The following FHIT variants were observed in gnomAD, a reference collection of about 807,000 sequenced individuals.
FHIT encodes the protein fragile histidine triad diadenosine triphosphatase, also known as bis(5'-adenosyl)-triphosphatase.
In FHIT, 19 loss-of-function variants were observed where a neutral mutation model predicts 17.9. The observed-to-expected ratio is 1.06, with a 90% CI of 0.74 to 1.56. The LOEUF is 1.56. Among genes scored for constraint, FHIT ranks in the 40% most tolerant of loss-of-function variants. The probability of loss-of-function intolerance (pLI) is 0.00; values close to 1 mark genes in which losing one functional copy is unlikely to be tolerated. For missense variants in FHIT, 248 were observed against 189.2 expected (o/e 1.31, Z -1.82); for synonymous variants, 81 against 69.7 (o/e 1.16, Z -0.81).
intron 5 of FHIT, among the ~76,000 whole-genome samples, chr3:60,522,262 C>A (rs967599438): frequency 6.6e-6 from 1 of 152,044 alleles, no homozygotes; most frequent in Non-Finnish European, 1.5e-5. Flanking sequence ...AAGTGCCCAC[C>A]AGCACACCTG....
intron 5 of FHIT, among the ~76,000 whole-genome samples, chr3:60,068,581 C>T (rs77746964): frequency 0.038 from 5,722 of 152,264 alleles, 138 homozygotes; most frequent in South Asian, 0.076. Context: ...GTATCCTAGG[C>T]CCATAGTGCT....
At chr3:60,965,356 C>T (rs1355392755) in intron 3 of FHIT, among the ~76,000 whole-genome samples, 3 of 152,106 alleles carry the variant, frequency 2.0e-5, no homozygotes, top group African/African-American at 4.8e-5. Context: ...AGGTTTTTAG[C>T]TTCTTTGCGA....
At chr3:60,802,373 A>T (rs1701222737) in intron 4 of FHIT, among the ~76,000 whole-genome samples, 1 of 152,198 alleles carries the variant, frequency 6.6e-6, no homozygotes, top group African/African-American at 2.4e-5. Context: ...ATCCCCTATC[A>T]GATCCACCAC....
intron 3 of FHIT, among the ~76,000 whole-genome samples, chr3:60,899,333 T>G (rs368673565): frequency 2.1e-4 from 32 of 152,236 alleles, no homozygotes; most frequent in African/African-American, 7.7e-4. Flanking sequence ...TAATATTGCC[T>G]TTTGTATCTC....
chr3:60,775,191 A>G (rs960179610), intron 4 of FHIT, among the ~76,000 whole-genome samples: 1 of 152,204 alleles, frequency 6.6e-6, no homozygotes, highest in African/African-American at 2.4e-5. Context: ...AATGCCCCTG[A>G]TAGAGGAAGA....
chr3:60,018,783 G>A (rs561486218), intron 5 of FHIT, among the ~76,000 whole-genome samples: 2 of 152,140 alleles, frequency 1.3e-5, no homozygotes, highest in South Asian at 2.1e-4. Flanking sequence ...TTCAAGACCA[G>A]CCTGGCCAAC....
chr3:60,041,210 T>G (rs1390053129), intron 5 of FHIT, among the ~76,000 whole-genome samples: 1 of 152,204 alleles, frequency 6.6e-6, no homozygotes, highest in Non-Finnish European at 1.5e-5. Context: ...GAAGGAGACT[T>G]GCAGATCCAA....
intron 3 of FHIT, among the ~76,000 whole-genome samples, chr3:60,838,876 G>T (rs781913101): frequency 2.6e-5 from 4 of 152,136 alleles, no homozygotes; most frequent in Non-Finnish European, 5.9e-5. Flanking sequence ...CTGCTTGAGA[G>T]AATCAGTGAA....
In FHIT at chr3:60,916,905, T is replaced by TA. The variant is rs369442115; in HGVS notation, c.-110-94895dup. Reference sequence around the variant, plus strand: ...AAGAGAATACAGAATTAGAATCGCATAAAAAAATCCATCTCCCAAATAGTC... The same window carrying TA: ...AAGAGAATACAGAATTAGAATCGCATAAAAAAAATCCATCTCCCAAATAGTC... On this transcript the variant is annotated intron_variant, in intron 3 of 9. Coordinates refer to ENST00000492590, the MANE Select transcript of FHIT (RefSeq NM_002012.4). Among the ~76,000 whole-genome samples, 137 of 152,206 alleles carry TA rather than the reference T, an allele frequency of 9.0e-4. 1 individual carries two copies. The highest frequency in any genetic ancestry group is 3.1e-3 in the African/African-American group (129 of 41,540).
intron 5 of FHIT, among the ~76,000 whole-genome samples, chr3:60,337,522 T>G (rs888380378): frequency 1.3e-5 from 2 of 152,220 alleles, no homozygotes; most frequent in African/African-American, 4.8e-5. Flanking sequence ...TTGAAATACA[T>G]GTTATGTTTT....
At chr3:60,107,507 G>A (rs1452034514) in intron 5 of FHIT, among the ~76,000 whole-genome samples, 4 of 152,132 alleles carry the variant, frequency 2.6e-5, no homozygotes, top group African/African-American at 9.7e-5. Context: ...AACATGATGG[G>A]TGGACTTTTA....
intron 5 of FHIT, among the ~76,000 whole-genome samples, chr3:60,065,703 T>C (rs1306376151): frequency 6.6e-6 from 1 of 152,238 alleles, no homozygotes. Context: ...CAGAGCTTCC[T>C]GTAGCAGGAA....
At chr3:60,442,765 T>C (rs1265027358) in intron 5 of FHIT, among the ~76,000 whole-genome samples, 2 of 152,196 alleles carry the variant, frequency 1.3e-5, no homozygotes, top group Non-Finnish European at 2.9e-5. Flanking sequence ...GGCTCTTTTT[T>C]GGTCCCATAA....
intron 4 of FHIT, among the ~76,000 whole-genome samples, chr3:60,565,070 T>A (rs978986963): frequency 6.6e-6 from 1 of 152,160 alleles, no homozygotes; most frequent in Admixed American, 6.6e-5. Flanking sequence ...GCCATCAACA[T>A]TGAGGCAAGA....
chr3:60,842,877 A>T (rs1438037755), intron 3 of FHIT, among the ~76,000 whole-genome samples: 1 of 151,932 alleles, frequency 6.6e-6, no homozygotes, highest in Non-Finnish European at 1.5e-5. Context: ...ATGGTTCTTT[A>T]TAGAAGTACC....
chr3:60,639,871 T>A (rs1553684899), intron 4 of FHIT, among the ~76,000 whole-genome samples: 4 of 152,152 alleles, frequency 2.6e-5, no homozygotes, highest in African/African-American at 7.2e-5. Flanking sequence ...TTCACAATAA[T>A]CCAAACTTGT....
At chr3:59,874,103 C>T (rs1703044789) in intron 8 of FHIT, among the ~76,000 whole-genome samples, 1 of 152,036 alleles carries the variant, frequency 6.6e-6, no homozygotes, top group Non-Finnish European at 1.5e-5. Flanking sequence ...GCTATCCTCG[C>T]CTCTCAAAAA....
intron 5 of FHIT, among the ~76,000 whole-genome samples, chr3:60,096,136 CCCGCTCAGG>C (rs1212846007): frequency 2.0e-5 from 3 of 152,194 alleles, no homozygotes; most frequent in Admixed American, 6.5e-5. Context: ...GCCCACTTAG[CCCGCTCAGG>C]CCGAGTCTGA....
chr3:60,904,028 A>G (rs1706261044), intron 3 of FHIT, among the ~76,000 whole-genome samples: 2 of 152,222 alleles, frequency 1.3e-5, no homozygotes, highest in African/African-American at 4.8e-5. Flanking sequence ...GACAACCTAT[A>G]AACGAGAAAG....
Sources: gnomAD v4.1 joint callset for allele counts (sites outside exome capture counted in the v4.1 genomes callset) on GRCh38, gnomAD v4.1.1 for gene constraint, MANE v1.5 for transcripts, NCBI Gene and HGNC (gene_info 2026-07-23, HGNC 2026-07-21) for gene names.